The following PCDHA6 variants were observed in gnomAD, a reference collection of about 807,000 sequenced individuals.
PCDHA6 encodes protocadherin alpha 6.
Under a neutral mutation model 60.3 loss-of-function variants are expected in PCDHA6, and 55 were observed. The ratio of observed to expected loss-of-function variants is 0.91; its 90% CI spans 0.73 to 1.14. The LOEUF is 1.14. Among genes scored for constraint, PCDHA6 ranks in the 50% most tolerant of loss-of-function variants. The pLI is 0.00. For missense variants in PCDHA6, 1,327 were observed against 1,256.5 expected (o/e 1.06, Z -0.85); for synonymous variants, 652 against 557.9 (o/e 1.17, Z -2.38).
chr5:140,874,167 T>C lies in PCDHA6; in HGVS notation c.2394+43682T>C, dbSNP rs910574514. On this transcript the variant is annotated intron_variant, in intron 1 of 3. Coordinates refer to ENST00000529310, the MANE Select transcript of PCDHA6 (RefSeq NM_018909.4). ...TGTAGAGCCATTCTTGGTTACTCTTTCCTGGTGTTGTAAAGGTGTCATATT... is the reference window on the plus strand; with the variant it reads ...TGTAGAGCCATTCTTGGTTACTCTTCCCTGGTGTTGTAAAGGTGTCATATT... 4.6e-5 allele frequency among the ~76,000 whole-genome samples: 7 copies of C among 152,340 alleles called. No homozygotes were observed. The East Asian group carries it at 1.2e-3, about 25-fold the overall frequency.
At position 140,884,483 on chromosome 5, in the gene PCDHA6, C is replaced by G. The variant is rs376374275; in HGVS notation, c.2394+53998C>G. The G allele has an allele frequency of 3.7e-6, 6 of 1,613,980 alleles. 1 individual carries two copies. In the South Asian group the frequency reaches 5.5e-5, roughly 15 times the overall value. On this transcript the variant is annotated intron_variant, in intron 1 of 3. Coordinates refer to ENST00000529310, the MANE Select transcript of PCDHA6 (RefSeq NM_018909.4). The stretch of plus-strand genomic sequence containing the variant: ...CGCGTGCGCGCCGGGCAAGCCCACT[C>G]TAGTGTGCTCCAGCGCGGCAGGGAG...
At position 140,850,688 on chromosome 5, in the gene PCDHA6, G is replaced by A. The variant is rs2150494137; in HGVS notation, c.2394+20203G>A. On this transcript the variant is annotated intron_variant, in intron 1 of 3. Coordinates refer to ENST00000529310, the MANE Select transcript of PCDHA6 (RefSeq NM_018909.4). ...GCTCGGCGATGCCCACCGAGGGCGA[G>A]TGCGCGCCTGGCAAGCCGACGCTGG... The A allele has an allele frequency of 4.4e-6, 7 of 1,598,388 alleles. 1 individual carries two copies. The African/African-American group carries it at 8.1e-5, about 18-fold the overall frequency.
intron 1 of PCDHA6, among the ~76,000 whole-genome samples, chr5:140,900,317 G>A (rs188830675): frequency 3.3e-4 from 50 of 151,512 alleles, no homozygotes; most frequent in Non-Finnish European, 6.2e-4. Context: ...CACTTTTGTC[G>A]CCCAGGCTGG....
intron 1 of PCDHA6, among the ~76,000 whole-genome samples, chr5:140,943,840 G>T (rs528235230): frequency 1.4e-4 from 21 of 152,316 alleles, no homozygotes; most frequent in Non-Finnish European, 2.8e-4. Context: ...GAAGTTGTAA[G>T]ATGTCACAGA....
intron 1 of PCDHA6, among the ~76,000 whole-genome samples, chr5:140,957,852 A>T (rs968818783): frequency 6.6e-6 from 1 of 151,658 alleles, no homozygotes. Flanking sequence ...GAGTTTGTGT[A>T]TTTTTTTTCC....
chr5:140,876,181 G>T, intron 1 of PCDHA6: 1 of 1,613,982 alleles, frequency 6.2e-7, no homozygotes, highest in South Asian at 1.1e-5. Context: ...GGATGTGAAT[G>T]ACAATGGTCC....
chr5:140,866,283 G>A (rs1554160187), intron 1 of PCDHA6: 1 of 152,094 alleles, frequency 6.6e-6, no homozygotes, highest in Non-Finnish European at 1.5e-5. Context: ...GACAGTGTTT[G>A]GGACAAGTAT....
chr5:141,005,664 T>G (rs1554260244), intron 3 of PCDHA6, among the ~76,000 whole-genome samples: 1 of 122,102 alleles, frequency 8.2e-6, no homozygotes. Flanking sequence ...ATCGCGCCAC[T>G]GCACTCCAGC....
At chr5:140,929,590 G>T in intron 1 of PCDHA6, 1 of 426,240 alleles carries the variant, frequency 2.3e-6, no homozygotes, top group Non-Finnish European at 4.2e-6. Context: ...TGACATAAAG[G>T]TCTAAAATTA....
chr5:140,869,613 CA>C (rs782134760), intron 1 of PCDHA6: 1 of 1,613,944 alleles, frequency 6.2e-7, no homozygotes. Flanking sequence ...TATTGACCTA[CA>C]GGCTAAGTAA....
At chr5:140,876,935 C>G in intron 1 of PCDHA6, 1 of 1,613,746 alleles carries the variant, frequency 6.2e-7, no homozygotes, top group Non-Finnish European at 8.5e-7. Flanking sequence ...CAGAAGAACG[C>G]GCTGGTGTCC....
chr5:140,983,113 A>G (rs2097027812), intron 3 of PCDHA6, among the ~76,000 whole-genome samples: 2 of 152,254 alleles, frequency 1.3e-5, no homozygotes, highest in Admixed American at 6.5e-5. Context: ...CTGCACATCA[A>G]CAACATTCTG....
chr5:140,926,990 G>T (rs2083733718), intron 1 of PCDHA6: 1 of 1,611,558 alleles, frequency 6.2e-7, no homozygotes, highest in Admixed American at 1.7e-5. Flanking sequence ...ACGGAGCGGG[G>T]CGTAGCCGTA....
At chr5:141,006,077 T>C (rs1554260547) in intron 3 of PCDHA6, among the ~76,000 whole-genome samples, 1 of 150,908 alleles carries the variant, frequency 6.6e-6, no homozygotes, top group East Asian at 1.9e-4. Flanking sequence ...ATCAGATTAT[T>C]GAAGGGACTT....
rs1770271281 is a variant in PCDHA6, at chr5:140,829,389, C to T, written c.1298C>T (p.Pro433Leu). Residue 433 changes from proline (P) to leucine (L), a missense_variant, in exon 1 of 4, where the codon CCT becomes CTT. Transcript: ENST00000529310. ...LVVTARDGGS[P>L]SLWATASLSV... is the part of the protein sequence containing the mutation. ...GTAACCGCGCGGGACGGGGGCTCGCCTTCGCTGTGGGCCACCGCCAGCTTG... is the reference window on the plus strand; with the variant it reads ...GTAACCGCGCGGGACGGGGGCTCGCTTTCGCTGTGGGCCACCGCCAGCTTG... 3 of 1,614,192 alleles carry T rather than the reference C, an allele frequency of 1.9e-6. No individual in the cohort carries two copies. The highest frequency in any genetic ancestry group is 2.5e-6 in the Non-Finnish European group (3 of 1,180,052).
Position 140,883,664 on chromosome 5 carries a change from G to A in PCDHA6, c.2394+53179G>A, listed in dbSNP as rs200846533. The A allele has an allele frequency of 6.7e-5, 108 of 1,613,836 alleles. No individual in the cohort carries two copies. Among genetic ancestry groups the A allele is most frequent in the Non-Finnish European group, 8.9e-5 (105 of 1,179,872 alleles). On this transcript the variant is annotated intron_variant, in intron 1 of 3. Transcript: ENST00000529310. ...GCCCGAGTACACGGTGTTCGTGAAG[G>A]AAAACAATCCGCCGGGCTGCCACAT... is the stretch of plus-strand genomic sequence containing the variant.
At chr5:140,849,558 C>T in intron 1 of PCDHA6, 1 of 1,598,598 alleles carries the variant, frequency 6.3e-7, no homozygotes, top group Non-Finnish European at 8.6e-7. Context: ...TATCAAAACG[C>T]TCTCGGTTCC....
At chr5:141,007,395 CAAAAAAAA>C (rs35800918) in intron 3 of PCDHA6, among the ~76,000 whole-genome samples, 98 of 94,844 alleles carry the variant, frequency 1.0e-3, no homozygotes, top group African/African-American at 2.9e-3. Context: ...TACTAAAATA[CAAAAAAAA>C]AAAAAAAAAA....
At chr5:140,882,814 A>T in intron 1 of PCDHA6, 1 of 1,614,248 alleles carries the variant, frequency 6.2e-7, no homozygotes, top group East Asian at 2.2e-5. Context: ...CTTTGGACGC[A>T]CAAAACAGTC....
Sources: gnomAD v4.1 joint callset for allele counts (sites outside exome capture counted in the v4.1 genomes callset) on GRCh38, gnomAD v4.1.1 for gene constraint, MANE v1.5 for transcripts, NCBI Gene and HGNC (gene_info 2026-07-23, HGNC 2026-07-21) for gene names.